DDAH1: variants seen among roughly 807,000 people sequenced by gnomAD.
The protein encoded by DDAH1 is N(G),N(G)-dimethylarginine dimethylaminohydrolase 1.
A neutral mutation model predicts 28.8 loss-of-function variants in DDAH1; 19 were observed. The ratio of observed to expected loss-of-function variants is 0.66; its 90% confidence interval spans 0.46 to 0.97. The LOEUF (loss-of-function observed/expected upper bound fraction) is 0.97, where lower values mean the gene tolerates loss of function less well. Among genes scored for constraint, DDAH1 ranks in the 50% least tolerant of loss-of-function variants. The probability of loss-of-function intolerance (pLI) is 0.00; values close to 1 mark genes in which losing one functional copy is unlikely to be tolerated. For synonymous variants in DDAH1, 153 were observed against 154.4 expected (o/e 0.99, Z 0.07); for missense variants, 326 against 375.9 (o/e 0.87, Z 1.10).
intron 1 of DDAH1, among the ~76,000 whole-genome samples, chr1:85,566,262 T>C (rs1466941230): frequency 6.6e-6 from 1 of 151,086 alleles, no homozygotes; most frequent in Non-Finnish European, 1.5e-5. Flanking sequence ...TCCTAACACT[T>C]TGGGAGGTCA....
At chr1:85,554,968 T>G (rs561228723) in intron 1 of DDAH1, among the ~76,000 whole-genome samples, 1 of 152,234 alleles carries the variant, frequency 6.6e-6, no homozygotes, top group African/African-American at 2.4e-5. Context: ...TAAGAGGGAG[T>G]GCTAAGTCCC....
intron 1 of DDAH1, among the ~76,000 whole-genome samples, chr1:85,504,612 G>T (rs1656943556): frequency 6.6e-6 from 1 of 152,098 alleles, no homozygotes; most frequent in African/African-American, 2.4e-5. Flanking sequence ...AAGTGCTCAT[G>T]CTCTAAATGA....
Position 85,321,572 on chromosome 1 carries a change from C to A in DDAH1, c.742-4G>T, listed in dbSNP as rs1661346704. The A allele has an allele frequency of 6.3e-7, 1 of 1,593,986 alleles. No individual in the cohort carries two copies. Among genetic ancestry groups the A allele is most frequent in the African/African-American group, 1.3e-5 (1 of 74,472 alleles). Reference sequence around the variant, plus strand: ...GGTCCTTCAGTTTCTCATAAACCTACAGTGGGAATCAAGGAAAAGGAAGAA... The same window carrying A: ...GGTCCTTCAGTTTCTCATAAACCTAAAGTGGGAATCAAGGAAAAGGAAGAA... On this transcript the variant is annotated splice_region_variant and splice_polypyrimidine_tract_variant and intron_variant, in intron 5 of 5. Coordinates refer to ENST00000284031, the MANE Select transcript of DDAH1 (RefSeq NM_012137.4).
chr1:85,520,784 G>A (rs1461710667), intron 1 of DDAH1, among the ~76,000 whole-genome samples: 1 of 152,196 alleles, frequency 6.6e-6, no homozygotes, highest in African/African-American at 2.4e-5. Context: ...CTGAAATTCT[G>A]AAGAGCTGTA....
At chr1:85,508,984 G>A (rs950125592) in intron 1 of DDAH1, among the ~76,000 whole-genome samples, 12 of 152,212 alleles carry the variant, frequency 7.9e-5, no homozygotes, top group African/African-American at 2.7e-4. Flanking sequence ...CCAGCCAGGC[G>A]TTTGAGCTCT....
At chr1:85,570,690 G>A (rs1570684361) in intron 1 of DDAH1, among the ~76,000 whole-genome samples, 1 of 152,256 alleles carries the variant, frequency 6.6e-6, no homozygotes, top group African/African-American at 2.4e-5. Context: ...CTATCACCAT[G>A]CCTGTTCTCT....
chr1:85,364,016 T>C (rs949963249), intron 1 of DDAH1, among the ~76,000 whole-genome samples: 2 of 151,830 alleles, frequency 1.3e-5, no homozygotes, highest in Non-Finnish European at 2.9e-5. Context: ...TCTGAATATA[T>C]AGTGACAATA....
intron 1 of DDAH1, among the ~76,000 whole-genome samples, chr1:85,420,691 GTCT>G (rs1653099140): frequency 6.6e-6 from 1 of 152,162 alleles, no homozygotes; most frequent in Non-Finnish European, 1.5e-5. Flanking sequence ...CATTTAACCA[GTCT>G]CTAAGAAGTT....
intron 2 of DDAH1, among the ~76,000 whole-genome samples, chr1:85,479,159 C>CTTTTTTTTTT (rs35629726): frequency 4.0e-3 from 313 of 78,542 alleles, no homozygotes; most frequent in Non-Finnish European, 4.9e-3. Context: ...TTCTGTTTTT[C>CTTTTTTTTTT]TTTTTTTTTT....
At chr1:85,496,249 A>C in exon 2 of DDAH1, 2 of 985,002 alleles carry the variant, frequency 2.0e-6, no homozygotes, top group Non-Finnish European at 2.4e-6. Flanking sequence ...TCTTGGCCAA[A>C]GTTACCAGAG....
chr1:85,456,179 T>C (rs982327082), intron 1 of DDAH1, among the ~76,000 whole-genome samples: 1 of 152,176 alleles, frequency 6.6e-6, no homozygotes, highest in East Asian at 1.9e-4. Context: ...GGACAGTGGG[T>C]ATCCCCACCT....
intron 1 of DDAH1, among the ~76,000 whole-genome samples, chr1:85,389,949 T>C (rs1056907955): frequency 6.6e-6 from 1 of 152,220 alleles, no homozygotes; most frequent in Admixed American, 6.5e-5. Context: ...ATAATCCAAG[T>C]TGACGATTCT....
At position 85,465,015 on chromosome 1, in the gene DDAH1, C is replaced by A; in HGVS notation, c.31G>T (p.Gly11Cys). 1.5e-6 allele frequency: 2 copies of A among 1,337,086 alleles called. No homozygotes were observed. The highest frequency in any genetic ancestry group is 1.9e-6 in the Non-Finnish European group (2 of 1,046,304). 82.8% of individuals were successfully genotyped at this position (1,337,086 alleles called of 1,614,324 possible). A position where few individuals can be genotyped will look rare whatever the true frequency, so the allele number is the denominator to read the frequency against. The change falls in exon 1 of 6, where the codon GGC becomes TGC. Residue 11 changes from glycine (G) to cysteine (C), a missense_variant. Coordinates refer to ENST00000284031, the MANE Select transcript of DDAH1 (RefSeq NM_012137.4). ...CGCACCACGGCGTGGGTGGCCCGGC[C>A]GAAGGCGGCGGGGTGGCCGAGCCCG... MAGLGHPAAF[G>C]RATHAVVRAL...
chr1:85,437,118 C>T (rs1467847348), intron 1 of DDAH1, among the ~76,000 whole-genome samples: 3 of 152,118 alleles, frequency 2.0e-5, no homozygotes, highest in Admixed American at 2.0e-4. Flanking sequence ...CTCCCTCTCT[C>T]GCTGCCTGCC....
At chr1:85,509,760 G>A (rs1183935774) in intron 1 of DDAH1, among the ~76,000 whole-genome samples, 1 of 152,128 alleles carries the variant, frequency 6.6e-6, no homozygotes, top group East Asian at 1.9e-4. Context: ...TCAAATTAAT[G>A]AAATCAATTG....
chr1:85,470,221 A>G (rs1399973624), intron 2 of DDAH1, among the ~76,000 whole-genome samples: 1 of 152,220 alleles, frequency 6.6e-6, no homozygotes, highest in Non-Finnish European at 1.5e-5. Context: ...TTATGGACTC[A>G]CAGTTCCATG....
chr1:85,491,868 A>G (rs1229477093), intron 2 of DDAH1, among the ~76,000 whole-genome samples: 1 of 152,168 alleles, frequency 6.6e-6, no homozygotes, highest in Non-Finnish European at 1.5e-5. Context: ...GTTTGCCTGT[A>G]ATAACTAGGT....
intron 1 of DDAH1, among the ~76,000 whole-genome samples, chr1:85,370,740 CTTTTAGA>C (rs957741723): frequency 5.3e-5 from 8 of 152,010 alleles, no homozygotes; most frequent in Admixed American, 5.2e-4. Flanking sequence ...CCCAGGGTGA[CTTTTAGA>C]TTTTTGTCTT....
intron 1 of DDAH1, among the ~76,000 whole-genome samples, chr1:85,415,005 C>CTTTTTTTTTTTTTTTT (rs71727580): frequency 5.2e-5 from 3 of 57,606 alleles, no homozygotes; most frequent in African/African-American, 1.9e-4. Context: ...TCAAGTGTTG[C>CTTTTTTTTTTTTTTTT]TTTTTTTTTT....
Sources: allele counts gnomAD v4.1 joint callset (sites outside exome capture counted in the v4.1 genomes callset), GRCh38; gene constraint gnomAD v4.1.1; transcripts MANE v1.5; gene names NCBI Gene and HGNC (gene_info 2026-07-23, HGNC 2026-07-21).